The following RNF180 variants were observed in gnomAD, a reference collection of about 807,000 sequenced individuals.
RNF180 encodes the protein ring finger protein 180.
A neutral mutation model predicts 59.2 loss-of-function variants in RNF180; 38 were observed. The ratio of observed to expected loss-of-function variants is 0.64; its 90% CI spans 0.50 to 0.84. The LOEUF is 0.84. Among genes scored for constraint, RNF180 ranks in the 40% least tolerant of loss-of-function variants. The probability of loss-of-function intolerance (pLI) is 0.00; values close to 1 mark genes in which losing one functional copy is unlikely to be tolerated. For missense variants in RNF180, 705 were observed against 700.9 expected, an observed-to-expected ratio of 1.01 and a Z score of -0.07; for synonymous variants, 262 against 240.3, an observed-to-expected ratio of 1.09 and a Z score of -0.84.
At position 64,298,593 on chromosome 5, in the gene RNF180, T is replaced by C. The variant is rs556031061; in HGVS notation, c.1228-26593T>C. ...AAGCATACTACAATGGACTGAATGT[T>C]TGTGTTCCTCCTCCTTCACTTCATG... On this transcript the variant is annotated intron_variant, in intron 5 of 7. Coordinates refer to ENST00000389100, the MANE Select transcript of RNF180 (RefSeq NM_001113561.2). 9.9e-5 allele frequency among the ~76,000 whole-genome samples: 15 copies of C among 152,198 alleles called. 2 individuals carry two copies. Among genetic ancestry groups the C allele is most frequent in the African/African-American group, 3.6e-4 (15 of 41,558 alleles).
chr5:64,364,909 G>C (rs1268166664), intron 7 of RNF180, among the ~76,000 whole-genome samples: 1 of 150,820 alleles, frequency 6.6e-6, no homozygotes, highest in Non-Finnish European at 1.5e-5. Context: ...GGAGTCAGTG[G>C]TGTAATATCC....
intron 7 of RNF180, among the ~76,000 whole-genome samples, chr5:64,335,510 G>C (rs372242574): frequency 2.4e-5 from 3 of 122,594 alleles, no homozygotes; most frequent in Non-Finnish European, 5.5e-5. Flanking sequence ...AGTTTCTTTG[G>C]ATTTTTTTCC....
chr5:64,265,058 A>G (rs1744578566), intron 5 of RNF180, among the ~76,000 whole-genome samples: 1 of 152,134 alleles, frequency 6.6e-6, no homozygotes, highest in Non-Finnish European at 1.5e-5. Context: ...TCCTTCGCAT[A>G]CTTTTTGATG....
At chr5:64,180,089 TA>T in intron 1 of RNF180, among the ~76,000 whole-genome samples, 1 of 152,302 alleles carries the variant, frequency 6.6e-6, no homozygotes, top group Admixed American at 6.5e-5. Flanking sequence ...AATTTTCTTT[TA>T]AAAAATTTGT....
chr5:64,219,038 G>A (rs1466023552), intron 5 of RNF180, among the ~76,000 whole-genome samples: 1 of 152,116 alleles, frequency 6.6e-6, no homozygotes, highest in Admixed American at 6.5e-5. Flanking sequence ...ATGCTGAATG[G>A]AGGTGTTGAG....
At chr5:64,256,931 T>C (rs920160230) in intron 5 of RNF180, among the ~76,000 whole-genome samples, 1 of 152,198 alleles carries the variant, frequency 6.6e-6, no homozygotes, top group African/African-American at 2.4e-5. Context: ...CCTTGTAAGT[T>C]GGATTCCTAG....
chr5:64,210,116 G>C (rs929870911), intron 2 of RNF180, among the ~76,000 whole-genome samples: 2 of 152,066 alleles, frequency 1.3e-5, no homozygotes, highest in Non-Finnish European at 2.9e-5. Context: ...ATGTCTCTGG[G>C]TTCTTAAGTT....
chr5:64,187,540 G>C (rs904028699), intron 1 of RNF180, among the ~76,000 whole-genome samples: 3 of 152,152 alleles, frequency 2.0e-5, no homozygotes, highest in East Asian at 3.9e-4. Flanking sequence ...CTCTCTCTCT[G>C]TAATTCGTGT....
intron 1 of RNF180, among the ~76,000 whole-genome samples, chr5:64,172,597 T>C (rs954008799): frequency 1.3e-5 from 2 of 152,188 alleles, no homozygotes; most frequent in Non-Finnish European, 2.9e-5. Context: ...ATGTCTTAAA[T>C]AGTAAATAGT....
intron 5 of RNF180, among the ~76,000 whole-genome samples, chr5:64,321,551 G>A (rs745428749): frequency 3.9e-5 from 6 of 152,098 alleles, no homozygotes; most frequent in African/African-American, 9.7e-5. Context: ...TTTCATCCTC[G>A]TGGATAGGAA....
intron 5 of RNF180, among the ~76,000 whole-genome samples, chr5:64,324,436 C>A (rs1327573053): frequency 6.6e-6 from 1 of 152,228 alleles, no homozygotes; most frequent in African/African-American, 2.4e-5. Context: ...GGACAACATG[C>A]AAACTCTGCA....
At chr5:64,337,664 A>G (rs936840908) in intron 7 of RNF180, among the ~76,000 whole-genome samples, 1 of 43,310 alleles carries the variant, frequency 2.3e-5, no homozygotes, top group Non-Finnish European at 4.4e-5. Context: ...CCCTCCCCCC[A>G]CCCCACAACA....
In RNF180 at chr5:64,370,769, T is replaced by C. The variant is rs960683079; in HGVS notation, c.*955T>C. ...AGAACTGAATCATTAGAACATGGAA[T>C]TGGGGCAGGTAACCCAATTCAAAAA... On this transcript the variant is annotated 3_prime_UTR_variant, in exon 8 of 8. Coordinates refer to ENST00000389100, the MANE Select transcript of RNF180 (RefSeq NM_001113561.2). The C allele has an allele frequency of 6.6e-6, 1 of 151,582 alleles. No homozygotes were observed. Among genetic ancestry groups the C allele is most frequent in the Non-Finnish European group, 1.5e-5 (1 of 67,744 alleles). 9.4% of individuals were successfully genotyped at this position (151,582 alleles called of 1,614,324 possible). A position where few individuals can be genotyped will look rare whatever the true frequency, so the allele number is the denominator to read the frequency against.
At chr5:64,191,828 T>A (rs1751176097) in intron 1 of RNF180, among the ~76,000 whole-genome samples, 1 of 152,242 alleles carries the variant, frequency 6.6e-6, no homozygotes, top group Middle Eastern at 3.2e-3. Context: ...TTTGGTTTTA[T>A]TGCCTGTCCA....
intron 5 of RNF180, among the ~76,000 whole-genome samples, chr5:64,320,720 C>G (rs1478322062): frequency 6.6e-6 from 1 of 152,006 alleles, no homozygotes; most frequent in Non-Finnish European, 1.5e-5. Context: ...AAAACAGATC[C>G]AGAAAACAAA....
intron 1 of RNF180, among the ~76,000 whole-genome samples, chr5:64,168,473 T>C (rs1457337428): frequency 6.6e-6 from 1 of 152,216 alleles, no homozygotes; most frequent in African/African-American, 2.4e-5. Flanking sequence ...TGTGCACATT[T>C]GCATGTAATC....
intron 5 of RNF180, among the ~76,000 whole-genome samples, chr5:64,264,008 A>G (rs1744512172): frequency 6.6e-6 from 1 of 152,056 alleles, no homozygotes; most frequent in African/African-American, 2.4e-5. Flanking sequence ...CCTTTTACCT[A>G]GTGTTTGCTG....
chr5:64,186,727 A>G (rs1248793464), intron 1 of RNF180, among the ~76,000 whole-genome samples: 1 of 152,140 alleles, frequency 6.6e-6, no homozygotes, highest in African/African-American at 2.4e-5. Flanking sequence ...TAGATGTATC[A>G]TGTCCTGGAT....
At chr5:64,225,892 CCCGGCCACCCCAT>C (rs1741706778) in intron 5 of RNF180, among the ~76,000 whole-genome samples, 1 of 141,554 alleles carries the variant, frequency 7.1e-6, no homozygotes, top group Admixed American at 7.3e-5. Context: ...AGTGCCTCTG[CCCGGCCACCCCAT>C]CTGGCCACCC....
Sources: allele counts gnomAD v4.1 joint callset (sites outside exome capture counted in the v4.1 genomes callset), GRCh38; gene constraint gnomAD v4.1.1; transcripts MANE v1.5; gene names NCBI Gene and HGNC (gene_info 2026-07-23, HGNC 2026-07-21).